CNBP: variants seen among roughly 807,000 people sequenced by gnomAD.
CNBP encodes the protein CCHC-type zinc finger nucleic acid binding protein.
Under a neutral mutation model 21.2 loss-of-function variants are expected in CNBP, and 6 were observed. That is an observed-to-expected ratio of 0.28 (90% CI 0.16 to 0.56). The LOEUF is 0.56. Among genes scored for constraint, CNBP ranks in the 20% least tolerant of loss-of-function variants. The pLI, the probability that CNBP is intolerant of heterozygous loss-of-function variation, is 0.93. For missense variants in CNBP, 112 were observed against 233.1 expected (o/e 0.48, Z 3.38); for synonymous variants, 61 against 74.9 (o/e 0.81, Z 0.96).
Position 129,170,480 on chromosome 3 carries a change from C to T in CNBP, c.507G>A (p.Arg169=). The T allele has an allele frequency of 6.2e-7, 1 of 1,614,124 alleles. No individual in the cohort carries two copies. The highest frequency in any genetic ancestry group is 8.5e-7 in the Non-Finnish European group (1 of 1,179,992). The change falls in exon 5 of 5, where the codon CGG becomes CGA. Residue 169 remains arginine, a synonymous_variant. Transcript: ENST00000422453. The stretch of plus-strand genomic sequence containing the variant: ...AGGCTGTAGCCTCAATTGTGCATTC[C>T]CGTGCAAGGTGCCCTGACTCGCCAC... The part of the protein sequence containing the change: ...YRCGESGHLA[R]ECTIEATA
intron 1 of CNBP, among the ~76,000 whole-genome samples, chr3:129,177,335 T>C (rs1937976412): frequency 6.6e-6 from 1 of 152,140 alleles, no homozygotes; most frequent in Non-Finnish European, 1.5e-5. Flanking sequence ...CTGTAAGAGA[T>C]TTTGGAACCA....
Position 129,168,452 on chromosome 3 carries a change from C to T in CNBP, c.*2001G>A. On this transcript the variant is annotated 3_prime_UTR_variant, in exon 5 of 5. Coordinates refer to ENST00000422453, the MANE Select transcript of CNBP (RefSeq NM_003418.5). Reference sequence around the variant, plus strand: ...CTCTACTAAAAATAACAAAAATTAGCTGGGTGTGGTGGCGGACACCTGTAA... The same window carrying T: ...CTCTACTAAAAATAACAAAAATTAGTTGGGTGTGGTGGCGGACACCTGTAA... Among the ~76,000 whole-genome samples the T allele has an allele frequency of 7.5e-6, 1 of 132,556 alleles. No individual in the cohort carries two copies. The highest frequency in any genetic ancestry group is 2.4e-4 in the East Asian group (1 of 4,188). 87.0% of individuals were successfully genotyped at this position (132,556 alleles called of 152,430 possible).
At chr3:129,172,617 CAGGCAGCCAGGCAGGCAGGCAGGCAGG>C (rs1560034700) in intron 1 of CNBP, among the ~76,000 whole-genome samples, 37 of 79,424 alleles carry the variant, frequency 4.7e-4, no homozygotes, top group African/African-American at 1.1e-3. Context: ...GACAGGCAGA[CAGGCAGCCAGGCAGGCAGGCAGGCAGG>C]CAGGCAGGCA....
chr3:129,170,600 G>A (rs2107632616), intron 4 of CNBP, 30 bp from the exon 5 acceptor site: 2 of 1,570,880 alleles, frequency 1.3e-6, no homozygotes, highest in Non-Finnish European at 1.8e-6. Flanking sequence ...TTTTCACAAT[G>A]GGCCTCAGAA....
rs1937514363 is a variant in CNBP at position 129,168,794 on chromosome 3, C to G, written c.*1659G>C. 6.6e-6 allele frequency among the ~76,000 whole-genome samples: 1 copy of G among 152,000 alleles called. No individual in the cohort carries two copies. The highest frequency in any genetic ancestry group is 2.1e-4 in the South Asian group (1 of 4,810). On this transcript the variant is annotated 3_prime_UTR_variant, in exon 5 of 5. Transcript: ENST00000422453. ...CGACCAACATGATGAAACCCAGTCT[C>G]TACTAAAAATACAAAAAATAGGCCG...
intron 1 of CNBP, among the ~76,000 whole-genome samples, chr3:129,183,251 G>A (rs899313457): frequency 6.6e-6 from 1 of 152,154 alleles, no homozygotes; most frequent in Non-Finnish European, 1.5e-5. Flanking sequence ...CCCGGCCTAA[G>A]AACCCTTTTC....
At chr3:129,179,439 ATCCATT>A (rs1938142410) in intron 1 of CNBP, among the ~76,000 whole-genome samples, 1 of 152,160 alleles carries the variant, frequency 6.6e-6, no homozygotes, top group Non-Finnish European at 1.5e-5. Context: ...GGTTAATTAC[ATCCATT>A]TCCGCCTGCC....
intron 1 of CNBP, among the ~76,000 whole-genome samples, chr3:129,173,087 T>C (rs1444449134): frequency 6.6e-6 from 1 of 152,224 alleles, no homozygotes; most frequent in Non-Finnish European, 1.5e-5. Flanking sequence ...GGGTTCTGCA[T>C]CCATGGCTTC....
rs1005982957 is a variant in CNBP, at chr3:129,169,238, G to A, written c.*1215C>T. Among the ~76,000 whole-genome samples the A allele has an allele frequency of 6.6e-6, 1 of 152,166 alleles. No individual in the cohort carries two copies. Among genetic ancestry groups the A allele is most frequent in the Non-Finnish European group, 1.5e-5 (1 of 68,020 alleles). On this transcript the variant is annotated 3_prime_UTR_variant, in exon 5 of 5. Coordinates refer to ENST00000422453, the MANE Select transcript of CNBP (RefSeq NM_003418.5). ...GAACCCGGGAGGTGGAGGTTGCAGTGAGCCAAGCCTGCACTCCAGCCTGGG... is the reference window on the plus strand; with the variant it reads ...GAACCCGGGAGGTGGAGGTTGCAGTAAGCCAAGCCTGCACTCCAGCCTGGG...
intron 1 of CNBP, among the ~76,000 whole-genome samples, chr3:129,174,253 A>G (rs977551908): frequency 1.3e-5 from 2 of 148,310 alleles, no homozygotes; most frequent in Admixed American, 1.4e-4. Context: ...AATTTGAAAT[A>G]GTATCTGCTT....
chr3:129,178,935 C>CG (rs896328343), intron 1 of CNBP, among the ~76,000 whole-genome samples: 27 of 151,792 alleles, frequency 1.8e-4, no homozygotes, highest in Admixed American at 7.2e-4. Context: ...TTAGTAGAGA[C>CG]GGGGGTTTCA....
At chr3:129,182,300 C>G (rs1938353021) in intron 1 of CNBP, among the ~76,000 whole-genome samples, 1 of 152,056 alleles carries the variant, frequency 6.6e-6, no homozygotes, top group African/African-American at 2.4e-5. Context: ...AGACAAAAAA[C>G]AAATTCAGTT....
chr3:129,180,922 A>G (rs1358097053), intron 1 of CNBP, among the ~76,000 whole-genome samples: 3 of 152,004 alleles, frequency 2.0e-5, no homozygotes, highest in Non-Finnish European at 4.4e-5. Context: ...CGTGCCACAT[A>G]TTTTTATTGA....
chr3:129,181,307 T>A (rs1345181826), intron 1 of CNBP, among the ~76,000 whole-genome samples: 1 of 148,364 alleles, frequency 6.7e-6, no homozygotes, highest in Non-Finnish European at 1.5e-5. Flanking sequence ...AAAACACATT[T>A]ATACTTTAAA....
intron 1 of CNBP, among the ~76,000 whole-genome samples, chr3:129,172,617 CAGGCAGCCAGG>C (rs1560034677): frequency 0.014 from 1,129 of 79,048 alleles, 38 homozygotes; most frequent in East Asian, 0.099. Context: ...GACAGGCAGA[CAGGCAGCCAGG>C]CAGGCAGGCA....
At chr3:129,182,397 T>C (rs1938359460) in intron 1 of CNBP, among the ~76,000 whole-genome samples, 1 of 152,160 alleles carries the variant, frequency 6.6e-6, no homozygotes, top group African/African-American at 2.4e-5. Context: ...TGTTCTCTTT[T>C]TACAAGACCC....
chr3:129,182,933 TTTG>T (rs869271524), intron 1 of CNBP, among the ~76,000 whole-genome samples: 11 of 43,274 alleles, frequency 2.5e-4, no homozygotes, highest in African/African-American at 6.8e-4. Flanking sequence ...TCAGGAACCC[TTTG>T]TTGTTGTTTG....
chr3:129,178,176 A>T (rs1349804610), intron 1 of CNBP, among the ~76,000 whole-genome samples: 1 of 151,426 alleles, frequency 6.6e-6, no homozygotes, highest in African/African-American at 2.4e-5. Flanking sequence ...AAAAAAAAAA[A>T]AAATAAGGTC....
At chr3:129,182,838 G>T (rs973105536) in intron 1 of CNBP, among the ~76,000 whole-genome samples, 4 of 152,102 alleles carry the variant, frequency 2.6e-5, no homozygotes, top group African/African-American at 4.8e-5. Flanking sequence ...TTCAAGAATC[G>T]GAAAACTATC....
Sources: allele counts gnomAD v4.1 joint callset (sites outside exome capture counted in the v4.1 genomes callset), GRCh38; gene constraint gnomAD v4.1.1; transcripts MANE v1.5; gene names NCBI Gene and HGNC (gene_info 2026-07-23, HGNC 2026-07-21).